Variants in MYLIP observed in about 807,000 individuals in gnomAD.
The protein encoded by MYLIP is myosin regulatory light chain interacting protein.
Under a neutral mutation model 45.8 loss-of-function variants are expected in MYLIP, and 26 were observed. The ratio of observed to expected loss-of-function variants is 0.57; its 90% CI spans 0.42 to 0.79. The LOEUF (loss-of-function observed/expected upper bound fraction) is 0.79. MYLIP is among the 30% of genes least tolerant of loss of function. The probability of loss-of-function intolerance (pLI) is 0.00; values close to 1 mark genes in which losing one functional copy is unlikely to be tolerated. For missense variants in MYLIP, 494 were observed against 555.6 expected (o/e 0.89, Z 1.11); for synonymous variants, 213 against 218.1 (o/e 0.98, Z 0.21).
the MYLIP span, among the ~76,000 whole-genome samples, chr6:16,158,857 A>G: frequency 6.6e-6 from 1 of 152,168 alleles, no homozygotes; most frequent in Non-Finnish European, 1.5e-5. Flanking sequence ...GCGGCAGAGC[A>G]AGACTCCGTC....
chr6:16,133,892 A>T (rs1054264926), intron 2 of MYLIP, among the ~76,000 whole-genome samples: 10 of 152,160 alleles, frequency 6.6e-5, no homozygotes, highest in African/African-American at 2.4e-4. Context: ...TCCCAGACTA[A>T]ATGTTCACAG....
Position 16,145,095 on chromosome 6 carries a change from C to T in MYLIP, c.1026C>T (p.Asn342=), listed in dbSNP as rs1201072222. 2 of 1,614,082 alleles carry T rather than the reference C, an allele frequency of 1.2e-6. No individual in the cohort carries two copies. Among genetic ancestry groups the T allele is most frequent in the Non-Finnish European group, 1.7e-6 (2 of 1,180,042 alleles). The change falls in exon 6 of 7, where the codon AAC becomes AAT. Residue 342 remains asparagine (N), a synonymous_variant. Coordinates refer to ENST00000356840, the MANE Select transcript of MYLIP (RefSeq NM_013262.4). ...NAGVVDLVSR[N]NQSPSHSPLK... is the part of the protein sequence containing the mutation. ...GCGTTGTGGACCTCGTTTCAAGAAACAACCAGAGCCCTTCACACTCGCCTC... is the reference window on the plus strand; with the variant it reads ...GCGTTGTGGACCTCGTTTCAAGAAATAACCAGAGCCCTTCACACTCGCCTC...
At chr6:16,145,436 GAAA>G (rs1759771030) in intron 6 of MYLIP, 119 bp downstream of exon 6, 4 of 1,172,338 alleles carry the variant, frequency 3.4e-6, no homozygotes, top group Middle Eastern at 3.0e-4. Flanking sequence ...TCTTCACCCG[GAAA>G]GGGTCTTTGT....
At chr6:16,137,936 G>A (rs1225811729) in intron 2 of MYLIP, among the ~76,000 whole-genome samples, 1 of 151,966 alleles carries the variant, frequency 6.6e-6, no homozygotes, top group Admixed American at 6.5e-5. Context: ...CTGTGCCCAC[G>A]ATGCCAGGAC....
At chr6:16,145,859 C>T (rs780736278) in intron 6 of MYLIP, among the ~76,000 whole-genome samples, 11 of 152,256 alleles carry the variant, frequency 7.2e-5, no homozygotes, top group Admixed American at 3.9e-4. Context: ...AATATTAACA[C>T]GAAAAAGAGA....
chr6:16,135,912 T>G (rs1052672031), intron 2 of MYLIP, among the ~76,000 whole-genome samples: 6 of 150,780 alleles, frequency 4.0e-5, no homozygotes, highest in Non-Finnish European at 7.4e-5. Context: ...ATTAATAGTT[T>G]ACTCTACATG....
downstream of MYLIP, among the ~76,000 whole-genome samples, chr6:16,149,397 A>T (rs1759852044): frequency 6.6e-6 from 1 of 152,244 alleles, no homozygotes; most frequent in Admixed American, 6.5e-5. Flanking sequence ...GGAGGCAGGG[A>T]TTCATTGTGC....
downstream of MYLIP, among the ~76,000 whole-genome samples, chr6:16,149,738 A>G (rs1759855243): frequency 6.6e-6 from 1 of 152,254 alleles, no homozygotes; most frequent in Non-Finnish European, 1.5e-5. Context: ...ACAGTGGCAG[A>G]GAACTCAATT....
chr6:16,157,123 C>A, the MYLIP span, among the ~76,000 whole-genome samples: 1 of 152,222 alleles, frequency 6.6e-6, no homozygotes. Context: ...ATGTGCTTTG[C>A]ATCCCCCTCT....
chr6:16,131,029 G>GGAAAAAAAA (rs1491408324), intron 2 of MYLIP, among the ~76,000 whole-genome samples: 11 of 115,244 alleles, frequency 9.5e-5, no homozygotes, highest in Admixed American at 3.3e-4. Flanking sequence ...GCTACCCCAG[G>GGAAAAAAAA]AAAAAAAAAA....
intron 2 of MYLIP, among the ~76,000 whole-genome samples, chr6:16,132,944 G>T (rs972308799): frequency 1.3e-5 from 2 of 152,332 alleles, no homozygotes; most frequent in South Asian, 2.1e-4. Context: ...TGCATGTAGT[G>T]TAGTATACTG....
At chr6:16,157,775 T>G in the MYLIP span, among the ~76,000 whole-genome samples, 2 of 152,268 alleles carry the variant, frequency 1.3e-5, no homozygotes, top group Non-Finnish European at 2.9e-5. Context: ...TGATGGGGGC[T>G]GAGACTCGTA....
In MYLIP at chr6:16,145,109, C is replaced by T. The variant is rs746273034; in HGVS notation, c.1040C>T (p.Ser347Leu). The change falls in exon 6 of 7, where the codon TCA (serine) becomes TTA (leucine). Residue 347 changes from serine (S) to leucine (L), a missense_variant. Ser to Leu is a moderately radical substitution (Grantham distance 145). Coordinates refer to ENST00000356840, the MANE Select transcript of MYLIP (RefSeq NM_013262.4). ...DLVSRNNQSP[S>L]HSPLKSSESS... is the part of the protein sequence containing the mutation. Reference sequence around the variant, plus strand: ...GTTTCAAGAAACAACCAGAGCCCTTCACACTCGCCTCTGAAGTCCTCAGAA... The same window carrying T: ...GTTTCAAGAAACAACCAGAGCCCTTTACACTCGCCTCTGAAGTCCTCAGAA... The T allele has an allele frequency of 2.5e-6, 4 of 1,614,188 alleles. No homozygotes were observed. Among genetic ancestry groups the T allele is most frequent in the Admixed American group, 1.7e-5 (1 of 60,028 alleles).
the MYLIP span, among the ~76,000 whole-genome samples, chr6:16,158,725 C>T: frequency 1.3e-4 from 20 of 152,136 alleles, no homozygotes; most frequent in African/African-American, 4.8e-4. Context: ...AAAAAATTAG[C>T]CGCGCGTGGT....
intron 3 of MYLIP, 60 bp downstream of exon 3, chr6:16,141,870 A>G (rs963235880): frequency 2.2e-5 from 31 of 1,431,710 alleles, no homozygotes; most frequent in Non-Finnish European, 2.9e-5. Context: ...GGATGAAACT[A>G]AGGTTGGAAG....
downstream of MYLIP, among the ~76,000 whole-genome samples, chr6:16,152,508 G>A (rs1440497754): frequency 1.3e-5 from 2 of 152,104 alleles, no homozygotes; most frequent in African/African-American, 4.8e-5. Flanking sequence ...CTCCTAAAAT[G>A]TACAGTATAA....
At chr6:16,131,741 C>T (rs1265941718) in intron 2 of MYLIP, among the ~76,000 whole-genome samples, 1 of 152,078 alleles carries the variant, frequency 6.6e-6, no homozygotes, top group Admixed American at 6.5e-5. Flanking sequence ...TTTTACATGA[C>T]ATTTGCTTGT....
At chr6:16,156,649 A>C in the MYLIP span, among the ~76,000 whole-genome samples, 2 of 152,252 alleles carry the variant, frequency 1.3e-5, no homozygotes. Context: ...TCTATCTGGC[A>C]GAGCCTCAGT....
chr6:16,129,350 G>T lies in MYLIP; in HGVS notation c.28G>T (p.Ala10Ser). 1 of 1,588,048 alleles carries T rather than the reference G, an allele frequency of 6.3e-7. No individual in the cohort carries two copies. Among genetic ancestry groups the T allele is most frequent in the Non-Finnish European group, 8.6e-7 (1 of 1,167,598 alleles). MLCYVTRPDAVLMEVEVEAK... is the reference protein window; with the variant it reads MLCYVTRPDSVLMEVEVEAK... ...GCTGTGTTATGTGACGAGGCCGGAC[G>T]CGGTGCTGATGGAGGTGGAGGTGGA... The change falls in exon 1 of 7, where the codon GCG (alanine) becomes TCG (serine). Residue 10 changes from alanine (A) to serine (S), a missense_variant. Ala to Ser is a moderately conservative substitution (Grantham distance 99). Coordinates refer to ENST00000356840, the MANE Select transcript of MYLIP (RefSeq NM_013262.4). This position sits in a 1 kb window ranked among gnomAD's most constrained non-coding sequence, Gnocchi z 5.1.
Sources: gnomAD v4.1 joint callset for allele counts (sites outside exome capture counted in the v4.1 genomes callset) on GRCh38, gnomAD v4.1.1 for gene constraint, Gnocchi (gnomAD v3.1) non-coding constraint, MANE v1.5 for transcripts, NCBI Gene and HGNC (gene_info 2026-07-23, HGNC 2026-07-21) for gene names.